Variants in SIRT2 observed in about 807,000 individuals in gnomAD.
SIRT2 encodes the protein NAD-dependent protein deacetylase sirtuin-2.
Under a neutral mutation model 57.4 loss-of-function variants are expected in SIRT2, and 40 were observed. The ratio of observed to expected loss-of-function variants is 0.70; its 90% CI spans 0.54 to 0.91. The LOEUF (loss-of-function observed/expected upper bound fraction) is 0.91. SIRT2 is among the 40% of genes least tolerant of loss of function. The probability of loss-of-function intolerance (pLI) is 0.00; values close to 1 mark genes in which losing one functional copy is unlikely to be tolerated. For synonymous variants in SIRT2, 161 were observed against 195.7 expected (o/e 0.82, Z 1.48); for missense variants, 439 against 510.4 (o/e 0.86, Z 1.35).
chr19:38,894,583 C>T (rs1464003157), intron 2 of SIRT2, among the ~76,000 whole-genome samples: 1 of 152,114 alleles, frequency 6.6e-6, no homozygotes, highest in African/African-American at 2.4e-5. Context: ...GCCTGCTGTC[C>T]CTTCCCAGCA....
chr19:38,887,482 G>T (rs1439350285), intron 8 of SIRT2, among the ~76,000 whole-genome samples: 1 of 152,140 alleles, frequency 6.6e-6, no homozygotes, highest in Non-Finnish European at 1.5e-5. Flanking sequence ...GCCCAGGCTG[G>T]TCTTGAACTC....
intron 8 of SIRT2, among the ~76,000 whole-genome samples, chr19:38,886,452 GTT>G (rs142521046): frequency 1.1e-4 from 16 of 142,174 alleles, no homozygotes; most frequent in African/African-American, 2.8e-4. Flanking sequence ...TGACAACATG[GTT>G]TTTTTTTTTT....
chr19:38,893,316 A>C, intron 4 of SIRT2, 98 bp downstream of exon 4: 1 of 774,172 alleles, frequency 1.3e-6, no homozygotes, highest in Non-Finnish European at 2.2e-6. Context: ...GCTACTTATA[A>C]AGAAAAGGTT....
chr19:38,898,909 C>G, intron 1 of SIRT2: 2 of 165,572 alleles, frequency 1.2e-5, no homozygotes, highest in East Asian at 1.8e-4. Context: ...AGCGATCCTC[C>G]TCCTCCTACC....
intron 8 of SIRT2, among the ~76,000 whole-genome samples, chr19:38,884,143 A>G (rs987135893): frequency 2.0e-5 from 3 of 151,284 alleles, no homozygotes; most frequent in South Asian, 2.1e-4. Flanking sequence ...GCCCAAACCT[A>G]AATATCTATG....
rs759373662 is a variant in SIRT2 at position 38,879,140 on chromosome 19, T to A, written c.*15A>T. On this transcript the variant is annotated 3_prime_UTR_variant, in exon 16 of 16. Coordinates refer to ENST00000249396, the MANE Select transcript of SIRT2 (RefSeq NM_012237.4). ...TCCCTGAGGAGCTCGGCATCCCGCCTGGGAGATGCAGCTGTCACTGGGGTT... is the reference window on the plus strand; with the variant it reads ...TCCCTGAGGAGCTCGGCATCCCGCCAGGGAGATGCAGCTGTCACTGGGGTT... The A allele has an allele frequency of 6.4e-7, 1 of 1,556,670 alleles. No individual in the cohort carries two copies. Among genetic ancestry groups the A allele is most frequent in the African/African-American group, 1.4e-5 (1 of 71,954 alleles).
chr19:38,883,849 G>T, intron 8 of SIRT2, 93 bp from the exon 9 acceptor site: 1 of 1,396,218 alleles, frequency 7.2e-7, no homozygotes, highest in East Asian at 2.4e-5. Flanking sequence ...ACGAGGAGCA[G>T]TGAGGTGGTG....
chr19:38,885,391 C>T (rs930482767), intron 8 of SIRT2, among the ~76,000 whole-genome samples: 1 of 151,850 alleles, frequency 6.6e-6, no homozygotes, highest in African/African-American at 2.4e-5. Context: ...AGGCGTGAGA[C>T]ACCATGCCCA....
At chr19:38,886,277 C>T (rs1973334218) in intron 8 of SIRT2, among the ~76,000 whole-genome samples, 3 of 152,212 alleles carry the variant, frequency 2.0e-5, no homozygotes, top group Admixed American at 1.3e-4. Flanking sequence ...ACTTTCCTCC[C>T]TTGCCCACTA....
At chr19:38,881,631 G>T (rs1349517570) in intron 9 of SIRT2, 140 bp from the exon 10 acceptor site, 5 of 672,078 alleles carry the variant, frequency 7.4e-6, no homozygotes, top group Middle Eastern at 4.9e-4. Flanking sequence ...GTCTCCTGAG[G>T]TGTCCACTCT....
intron 8 of SIRT2, among the ~76,000 whole-genome samples, chr19:38,886,176 TCTAA>T (rs1280841816): frequency 1.3e-5 from 2 of 152,158 alleles, no homozygotes; most frequent in East Asian, 1.9e-4. Flanking sequence ...GAAAGAATGC[TCTAA>T]CTGCCTTCTG....
At chr19:38,898,002 C>T (rs1374044470) in intron 2 of SIRT2, among the ~76,000 whole-genome samples, 1 of 152,204 alleles carries the variant, frequency 6.6e-6, no homozygotes, top group Non-Finnish European at 1.5e-5. Flanking sequence ...CTGCATCTGG[C>T]CCCCTGAGTT....
intron 9 of SIRT2, among the ~76,000 whole-genome samples, chr19:38,882,576 C>T (rs955496276): frequency 6.6e-6 from 1 of 150,692 alleles, no homozygotes; most frequent in Non-Finnish European, 1.5e-5. Context: ...GCGGAGGTTG[C>T]AGTGAGCCGA....
chr19:38,887,720 A>T (rs1040036916), intron 8 of SIRT2, among the ~76,000 whole-genome samples: 1 of 151,854 alleles, frequency 6.6e-6, no homozygotes, highest in African/African-American at 2.4e-5. Flanking sequence ...ACACTAGAAC[A>T]CTTATTTATT....
chr19:38,886,572 A>G (rs1023408835), intron 8 of SIRT2, among the ~76,000 whole-genome samples: 1 of 151,236 alleles, frequency 6.6e-6, no homozygotes, highest in African/African-American at 2.4e-5. Flanking sequence ...TCCTCTCTCA[A>G]GCTCCCAAGT....
chr19:38,881,566 A>AGACT, intron 9 of SIRT2, 75 bp from the exon 10 acceptor site: 1 of 1,198,924 alleles, frequency 8.3e-7, no homozygotes, highest in Non-Finnish European at 1.2e-6. Flanking sequence ...CAGCACCCCC[A>AGACT]CCCCTCTTCC....
chr19:38,890,201 C>T, intron 4 of SIRT2, 57 bp from the exon 5 acceptor site: 1 of 1,558,026 alleles, frequency 6.4e-7, no homozygotes, highest in Non-Finnish European at 8.8e-7. Flanking sequence ...CCTACGATAG[C>T]ACCACCCATC....
intron 1 of SIRT2, 95 bp downstream of exon 1, chr19:38,899,411 C>T (rs1973852799): frequency 7.0e-7 from 1 of 1,425,676 alleles, no homozygotes; most frequent in South Asian, 1.2e-5. Context: ...CTCCCTACTT[C>T]CCGCCCCACC....
chr19:38,893,111 G>GGTGGCAGCTCCTAGGCTA (rs1973597108), intron 4 of SIRT2, among the ~76,000 whole-genome samples: 1 of 152,048 alleles, frequency 6.6e-6, no homozygotes, highest in African/African-American at 2.4e-5. Context: ...GTGCTCTCTC[G>GGTGGCAGCTCCTAGGCTA]GTGGCAGCTC....
Sources: gnomAD v4.1 joint callset for allele counts (sites outside exome capture counted in the v4.1 genomes callset) on GRCh38, gnomAD v4.1.1 for gene constraint, MANE v1.5 for transcripts, NCBI Gene and HGNC (gene_info 2026-07-23, HGNC 2026-07-21) for gene names.